DOCK10: variants seen among roughly 807,000 people sequenced by gnomAD.
DOCK10 encodes the protein dedicator of cytokinesis protein 10.
In DOCK10, 145 loss-of-function variants were observed where a neutral mutation model predicts 280.1. The observed-to-expected ratio is 0.52, with a 90% CI of 0.45 to 0.59. The LOEUF (loss-of-function observed/expected upper bound fraction) is 0.59. Among genes scored for constraint, DOCK10 ranks in the 20% least tolerant of loss-of-function variants. The pLI, the probability that DOCK10 is intolerant of heterozygous loss-of-function variation, is 0.00. For synonymous variants in DOCK10, 915 were observed against 942.2 expected (o/e 0.97, Z 0.53); for missense variants, 2,368 against 2,651.7 (o/e 0.89, Z 2.35).
intron 1 of DOCK10, among the ~76,000 whole-genome samples, chr2:224,968,654 A>G (rs1198696303): frequency 6.6e-6 from 1 of 152,216 alleles, no homozygotes; most frequent in African/African-American, 2.4e-5. Context: ...CAAGATTCTA[A>G]AATGACAGAT....
intron 15 of DOCK10, among the ~76,000 whole-genome samples, chr2:224,855,668 C>T (rs1184160491): frequency 6.6e-6 from 1 of 152,160 alleles, no homozygotes; most frequent in Non-Finnish European, 1.5e-5. Flanking sequence ...AAACCTCTCG[C>T]CAATCTTCCT....
Position 224,935,811 on chromosome 2 carries a change from A to G in DOCK10, c.124-4143T>C, listed in dbSNP as rs146246086. On this transcript the variant is annotated intron_variant, in intron 1 of 55. Coordinates refer to ENST00000258390, the MANE Select transcript of DOCK10 (RefSeq NM_014689.3). ...ACAAAGAGCAAATAGTAGGCACTCAATAACTATTTGTTAAATAAATAAATT... is the reference window on the plus strand; with the variant it reads ...ACAAAGAGCAAATAGTAGGCACTCAGTAACTATTTGTTAAATAAATAAATT... Among the ~76,000 whole-genome samples the G allele has an allele frequency of 1.7e-3, 258 of 152,340 alleles. 1 individual carries two copies. The highest frequency in any genetic ancestry group is 5.9e-3 in the African/African-American group (246 of 41,584).
At chr2:225,010,887 C>G (rs1689415679) in intron 1 of DOCK10, among the ~76,000 whole-genome samples, 1 of 152,192 alleles carries the variant, frequency 6.6e-6, no homozygotes, top group Non-Finnish European at 1.5e-5. Flanking sequence ...CAAGGACATA[C>G]TGATCCCATC....
chr2:224,849,645 A>T, intron 18 of DOCK10, 46 bp from the exon 19 acceptor site: 1 of 1,363,176 alleles, frequency 7.3e-7, no homozygotes, highest in Non-Finnish European at 1.0e-6. Flanking sequence ...GTCTGAAATT[A>T]TCCCTGGGTG....
At chr2:224,964,023 A>T (rs556460285) in intron 1 of DOCK10, among the ~76,000 whole-genome samples, 1 of 146,946 alleles carries the variant, frequency 6.8e-6, no homozygotes. Context: ...TTTACAATAG[A>T]GTCATTTCTT....
At chr2:224,811,599 T>G (rs1334664343) in intron 31 of DOCK10, among the ~76,000 whole-genome samples, 3 of 152,090 alleles carry the variant, frequency 2.0e-5, no homozygotes, top group African/African-American at 2.4e-5. Flanking sequence ...GGTTTTCTTC[T>G]AGGGTTTTTA....
At chr2:224,907,365 G>A (rs1161669226) in intron 3 of DOCK10, among the ~76,000 whole-genome samples, 1 of 152,096 alleles carries the variant, frequency 6.6e-6, no homozygotes, top group African/African-American at 2.4e-5. Context: ...CTGAACACAG[G>A]TAGACATTTT....
intron 16 of DOCK10, 63 bp from the exon 17 acceptor site, chr2:224,853,185 T>C: frequency 7.3e-7 from 1 of 1,369,062 alleles, no homozygotes; most frequent in Non-Finnish European, 9.8e-7. Flanking sequence ...GAACAATAGT[T>C]AACATGTTTT....
At chr2:224,818,333 A>G (rs1277486901) in intron 29 of DOCK10, among the ~76,000 whole-genome samples, 3 of 150,582 alleles carry the variant, frequency 2.0e-5, no homozygotes, top group African/African-American at 7.4e-5. Context: ...TTTTCTCAGT[A>G]TGTGTCTCTG....
Position 224,770,115 on chromosome 2 carries a change from G to T in DOCK10, c.6444+96C>A. 1 of 1,343,858 alleles carries T rather than the reference G, an allele frequency of 7.4e-7. No homozygotes were observed. The highest frequency in any genetic ancestry group is 1.8e-5 in the South Asian group (1 of 56,638). The allele number at this position is 1,343,858 out of a possible 1,614,324, so 83.2% of individuals were successfully genotyped here. ...ACATGGTGCTGATGCAGTGATTTCT[G>T]CAGCAAGAAAAGGGCCTCTTTCCTG... On this transcript the variant is annotated intron_variant, in intron 55 of 55. Coordinates refer to ENST00000258390, the MANE Select transcript of DOCK10 (RefSeq NM_014689.3). This position sits in a 1 kb window ranked among gnomAD's most constrained non-coding sequence, Gnocchi z 4.5.
chr2:225,012,106 C>T (rs1689456354), intron 1 of DOCK10, among the ~76,000 whole-genome samples: 1 of 152,120 alleles, frequency 6.6e-6, no homozygotes, highest in Admixed American at 6.5e-5. Flanking sequence ...CCCACTCATT[C>T]AGAATTTGAA....
In DOCK10 at chr2:224,864,966, A is replaced by G. The variant is rs1697794453; in HGVS notation, c.1379T>C (p.Val460Ala). 1.2e-6 allele frequency: 2 copies of G among 1,613,852 alleles called. No homozygotes were observed. Among genetic ancestry groups the G allele is most frequent in the African/African-American group, 2.7e-5 (2 of 74,908 alleles). ...GTCGATGTTGCCATTTTCCAAAGCCACAGAAGCCCCCAAGAGCATCTGTCT... is the reference window on the plus strand; with the variant it reads ...GTCGATGTTGCCATTTTCCAAAGCCGCAGAAGCCCCCAAGAGCATCTGTCT... ...AVRQMLLGAS[V>A]ALENGNIDTI... Residue 460 changes from valine to alanine, a missense_variant, in exon 12 of 56, where the codon GTG (valine) becomes GCG (alanine). Physicochemically the swap from Val to Ala is moderately conservative, Grantham distance 64. Transcript: ENST00000258390.
In DOCK10 at chr2:224,800,169, G is replaced by A. The variant is rs1184402803; in HGVS notation, c.4488C>T (p.Leu1496=). The change falls in exon 41 of 56, where the codon CTC becomes CTT. Residue 1496 remains leucine (L), a synonymous_variant. Transcript: ENST00000258390. The part of the protein sequence containing the change: ...VCLTILDLLS[L]FTQTHQRQLQ... ...TATTCACCTGATGAGTCTGTGTGAA[G>A]AGGGATAACAGGTCCAGAATAGTGA... The A allele has an allele frequency of 6.2e-7, 1 of 1,606,592 alleles. No individual in the cohort carries two copies.
At chr2:224,917,934 T>G (rs1012593699) in intron 2 of DOCK10, among the ~76,000 whole-genome samples, 45 of 152,278 alleles carry the variant, frequency 3.0e-4, no homozygotes, top group African/African-American at 1.0e-3. Context: ...AGATCTCGTA[T>G]ATTGCACATC....
chr2:225,038,332 G>C (rs1226800342), intron 1 of DOCK10, among the ~76,000 whole-genome samples: 1 of 152,038 alleles, frequency 6.6e-6, no homozygotes, highest in Non-Finnish European at 1.5e-5. Flanking sequence ...AGTTCAGAGG[G>C]GAGAAAATTC....
At chr2:225,031,850 C>T (rs926382836) in intron 1 of DOCK10, among the ~76,000 whole-genome samples, 5 of 152,146 alleles carry the variant, frequency 3.3e-5, no homozygotes, top group African/African-American at 1.2e-4. Context: ...CTCTGAGGCT[C>T]GATAAGGTCA....
intron 1 of DOCK10, among the ~76,000 whole-genome samples, chr2:225,001,551 G>C (rs1706431190): frequency 6.6e-6 from 1 of 152,116 alleles, no homozygotes; most frequent in Non-Finnish European, 1.5e-5. Flanking sequence ...GCCTCCCAAA[G>C]TGCTGGGATT....
At position 224,778,282 on chromosome 2, in the gene DOCK10, G is replaced by C; in HGVS notation, c.5658C>G (p.Gly1886=). 6.2e-7 allele frequency: 1 copy of C among 1,600,254 alleles called. No homozygotes were observed. Among genetic ancestry groups the C allele is most frequent in the Non-Finnish European group, 8.5e-7 (1 of 1,172,470 alleles). ...RYYRVAFYGQ[G]FFEEEEGKEY... ...CTTTACCTTCTTCTTCTTCAAAAAA[G>C]CCCTATGGAACATAATGAACCACCA... Residue 1886 remains glycine, a splice_region_variant and synonymous_variant, in exon 51 of 56, where the codon GGC becomes GGG. Transcript: ENST00000258390.
At chr2:224,839,373 C>T (rs573829823) in intron 24 of DOCK10, among the ~76,000 whole-genome samples, 35 of 151,606 alleles carry the variant, frequency 2.3e-4, no homozygotes, top group Non-Finnish European at 5.0e-4. Flanking sequence ...TCCCAAAGTG[C>T]TGGGATGACA....
Sources: allele counts gnomAD v4.1 joint callset (sites outside exome capture counted in the v4.1 genomes callset), GRCh38; gene constraint gnomAD v4.1.1; non-coding constraint Gnocchi (gnomAD v3.1); transcripts MANE v1.5; gene names NCBI Gene and HGNC (gene_info 2026-07-23, HGNC 2026-07-21).